CCDC152: variants seen among roughly 807,000 people sequenced by gnomAD.
The protein encoded by CCDC152 is coiled-coil domain containing 152.
In CCDC152, 37 loss-of-function variants were observed where a neutral mutation model predicts 38.1. The observed-to-expected ratio is 0.97, with a 90% CI of 0.75 to 1.28. The LOEUF (loss-of-function observed/expected upper bound fraction) is 1.28. Ranked by LOEUF, CCDC152 falls within the 50% of genes most tolerant of loss-of-function variation. The pLI is 0.00. For missense variants in CCDC152, 259 were observed against 292.1 expected, an observed-to-expected ratio of 0.89 and a Z score of 0.83; for synonymous variants, 83 against 87.1, an observed-to-expected ratio of 0.95 and a Z score of 0.26.
intron 6 of CCDC152, among the ~76,000 whole-genome samples, chr5:42,793,318 C>T (rs1219692368): frequency 6.6e-6 from 1 of 152,066 alleles, no homozygotes; most frequent in African/African-American, 2.4e-5. Flanking sequence ...ACAAGGGCTC[C>T]TTTTGAAGTG....
intron 3 of CCDC152, among the ~76,000 whole-genome samples, chr5:42,769,027 T>C (rs1350856114): frequency 6.6e-6 from 1 of 152,044 alleles, no homozygotes; most frequent in Admixed American, 6.6e-5. Flanking sequence ...GGCAGGTGGA[T>C]TACTTGAGGT....
chr5:42,799,891 GTT>G lies in CCDC152; in HGVS notation c.*114_*115del. 1 of 1,211,846 alleles carries G rather than the reference GTT, an allele frequency of 8.3e-7. No individual in the cohort carries two copies. The allele number at this position is 1,211,846 out of a possible 1,614,324, so 75.1% of individuals were successfully genotyped here. A position where few individuals can be genotyped will look rare whatever the true frequency, so the allele number is the denominator to read the frequency against. ...CATAACAAACGAAGTCAGCTTTAAG[GTT>G]TTTATTGAATTTATTTGGACAAATC... On this transcript the variant is annotated 3_prime_UTR_variant, in exon 9 of 9. Coordinates refer to ENST00000361970, the MANE Select transcript of CCDC152 (RefSeq NM_001134848.2).
intron 1 of CCDC152, among the ~76,000 whole-genome samples, chr5:42,757,886 A>C (rs1366213658): frequency 6.6e-6 from 1 of 152,176 alleles, no homozygotes; most frequent in Non-Finnish European, 1.5e-5. Context: ...GTACCAAAAA[A>C]AAAAGGTGGG....
Position 42,801,286 on chromosome 5 carries a change from C to T in CCDC152, c.*1505C>T, listed in dbSNP as rs759863312. 4 of 1,613,436 alleles carry T rather than the reference C, an allele frequency of 2.5e-6. No homozygotes were observed. Among genetic ancestry groups the T allele is most frequent in the Non-Finnish European group, 3.4e-6 (4 of 1,179,816 alleles). On this transcript the variant is annotated 3_prime_UTR_variant, in exon 9 of 9. Transcript: ENST00000361970. ...GATGGAGTTTCAACTGTTTTATCCA[C>T]AGTAGCCAAAGATACACGTTTACAA... is the stretch of plus-strand genomic sequence containing the variant.
chr5:42,757,304 G>T (rs1759493672), intron 1 of CCDC152, among the ~76,000 whole-genome samples: 1 of 152,158 alleles, frequency 6.6e-6, no homozygotes, highest in African/African-American at 2.4e-5. Flanking sequence ...GGAAAGAGGA[G>T]GGACCAGAGC....
chr5:42,782,214 C>G (rs1386859491), intron 5 of CCDC152, among the ~76,000 whole-genome samples: 1 of 152,178 alleles, frequency 6.6e-6, no homozygotes, highest in Non-Finnish European at 1.5e-5. Context: ...AACAGAAGTT[C>G]AGCTTGCATT....
At chr5:42,783,448 A>C in intron 5 of CCDC152, 26 bp from the exon 6 acceptor site, 1 of 1,007,254 alleles carries the variant, frequency 9.9e-7, no homozygotes, top group Non-Finnish European at 1.3e-6. Context: ...TAAATTTTAA[A>C]AATTAATATA....
At position 42,802,076 on chromosome 5, in the gene CCDC152, T is replaced by G. The variant is rs1760219077; in HGVS notation, c.*2295T>G. ...AACTCTGCTCAAATGTGTTAGTTTT[T>G]CATACTTCATCCTATGCCAGGAAAT... On this transcript the variant is annotated 3_prime_UTR_variant, in exon 9 of 9. Transcript: ENST00000361970. 6.6e-6 allele frequency: 1 copy of G among 152,220 alleles called. No individual in the cohort carries two copies. Among genetic ancestry groups the G allele is most frequent in the Admixed American group, 6.5e-5 (1 of 15,286 alleles). The allele number at this position is 152,220 out of a possible 1,614,324, so 9.4% of individuals were successfully genotyped here. A position where few individuals can be genotyped will look rare whatever the true frequency, so the allele number is the denominator to read the frequency against.
At chr5:42,798,635 G>A (rs1355277157) in intron 7 of CCDC152, among the ~76,000 whole-genome samples, 1 of 152,102 alleles carries the variant, frequency 6.6e-6, no homozygotes, top group East Asian at 1.9e-4. Context: ...TATTTGACTG[G>A]TATACACAGC....
chr5:42,796,147 C>T (rs1353399236), intron 6 of CCDC152, among the ~76,000 whole-genome samples: 3 of 151,202 alleles, frequency 2.0e-5, no homozygotes, highest in Non-Finnish European at 4.4e-5. Context: ...TGCTAAATGA[C>T]GAGTTAATGG....
chr5:42,785,132 C>T (rs1561277639), intron 6 of CCDC152, among the ~76,000 whole-genome samples: 1 of 152,050 alleles, frequency 6.6e-6, no homozygotes, highest in Non-Finnish European at 1.5e-5. Context: ...TTTTCTAATT[C>T]TGTGAAAACT....
intron 2 of CCDC152, 36 bp downstream of exon 2, chr5:42,759,244 G>T: frequency 7.6e-7 from 1 of 1,314,668 alleles, no homozygotes; most frequent in South Asian, 1.4e-5. Flanking sequence ...ACTATATAGG[G>T]ATACATGGAA....
chr5:42,771,929 A>C (rs1759704235), intron 4 of CCDC152, among the ~76,000 whole-genome samples: 1 of 152,198 alleles, frequency 6.6e-6, no homozygotes, highest in East Asian at 1.9e-4. Context: ...CATCACCCGG[A>C]CACCAAAATC....
chr5:42,792,883 G>T (rs34159518), intron 6 of CCDC152, among the ~76,000 whole-genome samples: 1 of 151,908 alleles, frequency 6.6e-6, no homozygotes, highest in African/African-American at 2.4e-5. Context: ...GGATTCCTGA[G>T]ATCTGAGAGG....
intron 2 of CCDC152, among the ~76,000 whole-genome samples, chr5:42,760,303 CAAAAAAAA>C (rs148225690): frequency 9.5e-6 from 1 of 105,814 alleles, no homozygotes; most frequent in Non-Finnish European, 1.9e-5. Flanking sequence ...GACTCCGTCT[CAAAAAAAA>C]AAAAAAAAAA....
intron 6 of CCDC152, among the ~76,000 whole-genome samples, chr5:42,787,293 C>T (rs1759934831): frequency 6.6e-6 from 1 of 151,922 alleles, no homozygotes; most frequent in South Asian, 2.1e-4. Flanking sequence ...AAACTCTCAA[C>T]TATATTTTAA....
intron 2 of CCDC152, among the ~76,000 whole-genome samples, chr5:42,761,297 A>T (rs1759549965): frequency 6.6e-6 from 1 of 152,224 alleles, no homozygotes. Context: ...ATATTCAAAA[A>T]TGAAACTGAA....
Position 42,796,963 on chromosome 5 carries a change from G to GT in CCDC152, c.558+10dup. On this transcript the variant is annotated splice_region_variant and intron_variant, in intron 7 of 8. Coordinates refer to ENST00000361970, the MANE Select transcript of CCDC152 (RefSeq NM_001134848.2). ...AATCAAGCTACAACTAGAAGTAAGT[G>GT]TTTAAGAGTCTGCTAAACTTGAGGA... The GT allele has an allele frequency of 6.6e-7, 1 of 1,505,678 alleles. No homozygotes were observed. Among genetic ancestry groups the GT allele is most frequent in the Non-Finnish European group, 8.9e-7 (1 of 1,128,312 alleles). The allele number at this position is 1,505,678 out of a possible 1,614,324, so 93.3% of individuals were successfully genotyped here.
chr5:42,774,899 G>GTCTTC (rs757109132), intron 4 of CCDC152, among the ~76,000 whole-genome samples: 43 of 152,048 alleles, frequency 2.8e-4, no homozygotes, highest in Non-Finnish European at 5.4e-4. Flanking sequence ...TAACACAAAT[G>GTCTTC]AAGAATGCCT....
Sources: gnomAD v4.1 joint callset for allele counts (sites outside exome capture counted in the v4.1 genomes callset) on GRCh38, gnomAD v4.1.1 for gene constraint, MANE v1.5 for transcripts, NCBI Gene and HGNC (gene_info 2026-07-23, HGNC 2026-07-21) for gene names.